Variants in SCFD2 observed in about 807,000 individuals in gnomAD.
SCFD2 encodes the protein sec1 family domain-containing protein 2.
A neutral mutation model predicts 58.9 loss-of-function variants in SCFD2; 54 were observed. The ratio of observed to expected loss-of-function variants is 0.92; its 90% CI spans 0.74 to 1.15. The LOEUF (loss-of-function observed/expected upper bound fraction) is 1.15, where lower values mean the gene tolerates loss of function less well. SCFD2 is among the 50% of genes most tolerant of loss of function. The pLI, the probability that SCFD2 is intolerant of heterozygous loss-of-function variation, is 0.00. For missense variants in SCFD2, 805 were observed against 836.6 expected (o/e 0.96, Z 0.47); for synonymous variants, 321 against 335.9 (o/e 0.96, Z 0.49).
chr4:53,213,009 G>A (rs946323217), intron 4 of SCFD2, among the ~76,000 whole-genome samples: 1 of 152,094 alleles, frequency 6.6e-6, no homozygotes, highest in Non-Finnish European at 1.5e-5. Context: ...GAATAAGGCT[G>A]TTCTAGATGT....
intron 5 of SCFD2, among the ~76,000 whole-genome samples, chr4:53,033,527 G>C (rs116869016): frequency 0.021 from 3,261 of 152,122 alleles, 79 homozygotes; most frequent in East Asian, 0.11. Flanking sequence ...AATGAATCCA[G>C]GAGCTAGCTT....
At chr4:53,192,758 G>C (rs1194917590) in intron 4 of SCFD2, among the ~76,000 whole-genome samples, 3 of 152,088 alleles carry the variant, frequency 2.0e-5, no homozygotes, top group Non-Finnish European at 4.4e-5. Flanking sequence ...AAAGGTCATG[G>C]AAGAGCTGTC....
At chr4:53,176,873 C>T (rs532102781) in intron 4 of SCFD2, among the ~76,000 whole-genome samples, 7 of 151,022 alleles carry the variant, frequency 4.6e-5, no homozygotes, top group Admixed American at 6.6e-5. Context: ...CACTTGAACC[C>T]GGGAGGCAAA....
chr4:53,237,949 G>A (rs1729712107), intron 4 of SCFD2, among the ~76,000 whole-genome samples: 3 of 118,314 alleles, frequency 2.5e-5, no homozygotes, highest in Non-Finnish European at 5.5e-5. Context: ...CTGGCCGGGC[G>A]AGGGGCTGAC....
At chr4:52,880,186 G>A (rs1240403904) in intron 8 of SCFD2, among the ~76,000 whole-genome samples, 3 of 152,142 alleles carry the variant, frequency 2.0e-5, no homozygotes, top group Non-Finnish European at 4.4e-5. Context: ...TCTTTTCGCT[G>A]TTGTCTCCCT....
intron 5 of SCFD2, among the ~76,000 whole-genome samples, chr4:53,111,214 A>G (rs1725163816): frequency 6.6e-6 from 1 of 152,134 alleles, no homozygotes; most frequent in South Asian, 2.1e-4. Flanking sequence ...GAGGGATTGC[A>G]ATAGGAGAAA....
chr4:52,898,978 CT>C (rs553705820), intron 7 of SCFD2, among the ~76,000 whole-genome samples: 11 of 152,060 alleles, frequency 7.2e-5, no homozygotes, highest in African/African-American at 2.7e-4. Flanking sequence ...CAACCCTTGC[CT>C]TTTTTTGTTT....
chr4:53,200,701 CCTGA>C (rs1456226639), intron 4 of SCFD2, among the ~76,000 whole-genome samples: 3 of 152,088 alleles, frequency 2.0e-5, no homozygotes, highest in Non-Finnish European at 4.4e-5. Flanking sequence ...CAAATTAAAT[CCTGA>C]CTATTTATTG....
At chr4:53,183,202 C>G (rs1316102418) in intron 4 of SCFD2, among the ~76,000 whole-genome samples, 1 of 152,108 alleles carries the variant, frequency 6.6e-6, no homozygotes, top group South Asian at 2.1e-4. Context: ...CACACGCACA[C>G]GTATGTTTAT....
At chr4:53,229,340 T>C (rs1306872032) in intron 4 of SCFD2, among the ~76,000 whole-genome samples, 1 of 152,140 alleles carries the variant, frequency 6.6e-6, no homozygotes, top group African/African-American at 2.4e-5. Flanking sequence ...AGAACAAAGC[T>C]GGAGGCATCA....
At chr4:53,246,557 T>C (rs1258291499) in intron 4 of SCFD2, among the ~76,000 whole-genome samples, 3 of 152,104 alleles carry the variant, frequency 2.0e-5, no homozygotes, top group African/African-American at 4.8e-5. Context: ...CCTGTGACCA[T>C]CTAATCTTTG....
At chr4:52,939,431 A>T (rs1056603514) in intron 5 of SCFD2, among the ~76,000 whole-genome samples, 1 of 152,186 alleles carries the variant, frequency 6.6e-6, no homozygotes, top group African/African-American at 2.4e-5. Context: ...TGATTATACT[A>T]TGTTGTCTAT....
Position 52,944,645 on chromosome 4 carries a change from G to A in SCFD2, c.1562-23775C>T, listed in dbSNP as rs567639040. ...TTTGCTCTCAAGGACAAAACTGCCT[G>A]GTCTCTCTTTTCACATGTTTAACAT... On this transcript the variant is annotated intron_variant, in intron 5 of 8. Transcript: ENST00000401642. 5.3e-5 allele frequency among the ~76,000 whole-genome samples: 8 copies of A among 152,230 alleles called. No individual in the cohort carries two copies. The East Asian group carries it at 1.5e-3, about 29-fold the overall frequency.
chr4:53,176,524 C>T (rs1372125177), intron 4 of SCFD2, among the ~76,000 whole-genome samples: 1 of 152,176 alleles, frequency 6.6e-6, no homozygotes, highest in Non-Finnish European at 1.5e-5. Flanking sequence ...CCACTATGAG[C>T]TTAGAGAAGG....
At chr4:53,213,927 T>C (rs1399017516) in intron 4 of SCFD2, among the ~76,000 whole-genome samples, 1 of 152,072 alleles carries the variant, frequency 6.6e-6, no homozygotes, top group Non-Finnish European at 1.5e-5. Flanking sequence ...GTCCTTGCGA[T>C]AGTTTGCTGA....
chr4:52,954,091 GC>G (rs1377837216), intron 5 of SCFD2, among the ~76,000 whole-genome samples: 3 of 152,228 alleles, frequency 2.0e-5, no homozygotes, highest in African/African-American at 7.2e-5. Context: ...TTCACAGGCA[GC>G]ACAGGGAGCA....
At chr4:53,360,906 G>A (rs1251184618) in intron 1 of SCFD2, among the ~76,000 whole-genome samples, 2 of 152,166 alleles carry the variant, frequency 1.3e-5, no homozygotes, top group Non-Finnish European at 2.9e-5. Flanking sequence ...TCTTGACAGG[G>A]TAGCTGAATT....
chr4:53,342,416 A>T (rs967796396), intron 2 of SCFD2, among the ~76,000 whole-genome samples: 14 of 152,234 alleles, frequency 9.2e-5, no homozygotes, highest in Admixed American at 9.2e-4. Flanking sequence ...AACTATCCTA[A>T]ATATATATGC....
At chr4:53,172,003 TATTA>T (rs1434315778) in intron 4 of SCFD2, among the ~76,000 whole-genome samples, 2 of 150,318 alleles carry the variant, frequency 1.3e-5, no homozygotes, top group African/African-American at 2.4e-5. Context: ...TTTATTTATT[TATTA>T]TTTATTATTT....
Sources: allele counts gnomAD v4.1 joint callset (sites outside exome capture counted in the v4.1 genomes callset), GRCh38; gene constraint gnomAD v4.1.1; transcripts MANE v1.5; gene names NCBI Gene and HGNC (gene_info 2026-07-23, HGNC 2026-07-21).